Variants in SHC1 observed in about 807,000 individuals in gnomAD.
SHC1 encodes SHC-transforming protein 1.
A neutral mutation model predicts 55.9 loss-of-function variants in SHC1; 30 were observed. The observed-to-expected ratio is 0.54, with a 90% CI of 0.40 to 0.73. SHC1 has a LOEUF of 0.73. SHC1 is among the 30% of genes least tolerant of loss of function. The pLI, the probability that SHC1 is intolerant of heterozygous loss-of-function variation, is 0.00. For synonymous variants in SHC1, 309 were observed against 306.1 expected, an observed-to-expected ratio of 1.01 and a Z score of -0.10; for missense variants, 675 against 777.1, an observed-to-expected ratio of 0.87 and a Z score of 1.56.
At chr1:154,973,921 C>G (rs1656998975), upstream of SHC1, among the ~76,000 whole-genome samples, 1 of 152,008 alleles carries the variant, frequency 6.6e-6, no homozygotes, top group African/African-American at 2.4e-5. Context: ...GGGAGATAGG[C>G]CTTTTGACAG....
intron 6 of SHC1, 74 bp downstream of exon 6, chr1:154,967,906 G>A (rs1054757059): frequency 1.2e-6 from 2 of 1,605,932 alleles, no homozygotes; most frequent in Non-Finnish European, 1.7e-6. Flanking sequence ...ACTTAGAGTG[G>A]GTACAGATGA....
chr1:154,965,767 C>T lies in SHC1; in HGVS notation c.1402G>A (p.Ala468Thr). Residue 468 changes from alanine (A) to threonine (T), a missense_variant, in exon 11 of 12, where the codon GCT becomes ACT. By Grantham distance (58) the Ala-to-Thr change is moderately conservative. Around this residue, in one of 3 missense-constraint regions of SHC1, gnomAD observed 360 missense variants for 371.1 expected, o/e 0.97. Transcript: ENST00000448116. ...TGGGGAGGTGGAGGCACGCGAAGAG[C>T]ATCTTCGAAGGGCTCTGGAAGTATA... ...DLFDMKPFED[A>T]LRVPPPPQSV... 2 of 1,612,928 alleles carry T rather than the reference C, an allele frequency of 1.2e-6. No individual in the cohort carries two copies. The highest frequency in any genetic ancestry group is 2.2e-5 in the South Asian group (2 of 91,028).
rs1255512373 is a variant in SHC1, at chr1:154,962,744, A to G, written c.*1059T>C. ...TGATGTATAAATGTAATAATTGATT[A>G]TCATTTTGTGCTCAAGAATAAGCAA... On this transcript the variant is annotated 3_prime_UTR_variant, in exon 12 of 12. Coordinates refer to ENST00000448116, the MANE Select transcript of SHC1 (RefSeq NM_001130040.2). The G allele has an allele frequency of 6.5e-6, 1 of 152,810 alleles. No homozygotes were observed. Among genetic ancestry groups the G allele is most frequent in the African/African-American group, 2.4e-5 (1 of 41,468 alleles). The allele number at this position is 152,810 out of a possible 1,614,324, so 9.5% of individuals were successfully genotyped here. A position where few individuals can be genotyped will look rare whatever the true frequency, so the allele number is the denominator to read the frequency against.
chr1:154,965,307 G>C, intron 11 of SHC1: 1 of 1,366,860 alleles, frequency 7.3e-7, no homozygotes, highest in Non-Finnish European at 9.7e-7. Flanking sequence ...AAAGCGCTGG[G>C]ATTACAGGTG....
rs949748775 is a variant in SHC1 at position 154,963,132 on chromosome 1, G to A, written c.*671C>T. Reference sequence around the variant, plus strand: ...GCCAGGAGGCACTGAGCAAGGGAGGGGTCCATCTCCCGCCTGGCCGGGAGT... The same window carrying A: ...GCCAGGAGGCACTGAGCAAGGGAGGAGTCCATCTCCCGCCTGGCCGGGAGT... On this transcript the variant is annotated 3_prime_UTR_variant, in exon 12 of 12. Transcript: ENST00000448116. The A allele has an allele frequency of 6.5e-6, 1 of 153,064 alleles. No individual in the cohort carries two copies. Among genetic ancestry groups the A allele is most frequent in the Non-Finnish European group, 1.5e-5 (1 of 68,388 alleles). 9.5% of individuals were successfully genotyped at this position (153,064 alleles called of 1,614,324 possible).
chr1:154,970,297 C>T lies in SHC1; in HGVS notation c.230G>A (p.Arg77His), dbSNP rs140122961. The T allele has an allele frequency of 1.2e-5, 19 of 1,603,822 alleles. No homozygotes were observed. In the African/African-American group the frequency reaches 1.3e-4, roughly 11 times the overall value. Reference sequence around the variant, plus strand: ...TCCTGGCTCCCCCTTAGACCCTGGGCGCCCCCCAGCCGGGTTGGCCAGCCT... The same window carrying T: ...TCCTGGCTCCCCCTTAGACCCTGGGTGCCCCCCAGCCGGGTTGGCCAGCCT... ...NLRLANPAGG[R>H]PGSKGEPGRA... Residue 77 changes from arginine (R) to histidine (H), a missense_variant, in exon 1 of 12, where the codon CGC (arginine) becomes CAC (histidine). Transcript: ENST00000448116. This position sits in a 1 kb window ranked among gnomAD's most constrained non-coding sequence, Gnocchi z 5.5.
At chr1:154,966,581 G>T in intron 7 of SHC1, 64 bp from the exon 8 acceptor site, 2 of 1,114,160 alleles carry the variant, frequency 1.8e-6, no homozygotes, top group Non-Finnish European at 2.6e-6. Flanking sequence ...GGGAAGGACA[G>T]AATAGAACAG....
intron 1 of SHC1, 94 bp downstream of exon 1, chr1:154,969,938 G>T: frequency 7.3e-7 from 1 of 1,367,992 alleles, no homozygotes; most frequent in Non-Finnish European, 1.0e-6. Context: ...GGTTGTTGGG[G>T]AACAGCAGGA....
At chr1:154,973,630 G>A (rs1656963682), upstream of SHC1, 2 of 152,156 alleles carry the variant, frequency 1.3e-5, no homozygotes, top group South Asian at 4.1e-4. Flanking sequence ...GCACGAGAGT[G>A]CTCGGAAAAC....
rs1656453982 is a variant in SHC1, at chr1:154,969,446, G to A, written c.498C>T (p.Tyr166=). The A allele has an allele frequency of 1.9e-6, 3 of 1,609,580 alleles. No homozygotes were observed. The highest frequency in any genetic ancestry group is 2.5e-6 in the Non-Finnish European group (3 of 1,176,802). Reference sequence around the variant, plus strand: ...ACTGGAGGACCTCCACACAACCCATGTACTAAGGGGAGGGAGAAGAGGACA... The same window carrying A: ...ACTGGAGGACCTCCACACAACCCATATACTAAGGGGAGGGAGAAGAGGACA... The part of the protein sequence containing the change: ...MGPGVSYLVR[Y]MGCVEVLQSM... The change falls in exon 2 of 12, where the codon TAC becomes TAT. Residue 166 remains tyrosine, a splice_region_variant and synonymous_variant. Coordinates refer to ENST00000448116, the MANE Select transcript of SHC1 (RefSeq NM_001130040.2).
At position 154,966,210 on chromosome 1, in the gene SHC1, C is replaced by T; in HGVS notation, c.1204G>A (p.Gly402Arg). ...ATCTGTTTGCGGACTTCTGGATCTCCCCCAACAGGCTGTCCTACAGGCTGC... is the reference window on the plus strand; with the variant it reads ...ATCTGTTTGCGGACTTCTGGATCTCTCCCAACAGGCTGTCCTACAGGCTGC... ...ATLPVGQPVG[G>R]DPEVRKQMPP... The change falls in exon 9 of 12, where the codon GGA becomes AGA. Residue 402 changes from glycine to arginine, a missense_variant. Physicochemically the swap from Gly to Arg is moderately radical, Grantham distance 125. Transcript: ENST00000448116. 1 of 1,614,090 alleles carries T rather than the reference C, an allele frequency of 6.2e-7. No homozygotes were observed. Among genetic ancestry groups the T allele is most frequent in the Non-Finnish European group, 8.5e-7 (1 of 1,180,004 alleles).
chr1:154,965,269 T>C, intron 11 of SHC1: 2 of 915,202 alleles, frequency 2.2e-6, no homozygotes, highest in Non-Finnish European at 3.0e-6. Flanking sequence ...ACTCCTGACC[T>C]CAGGTGATTC....
At position 154,962,616 on chromosome 1, in the gene SHC1, C is replaced by T. The variant is rs1655459653; in HGVS notation, c.*1187G>A. 1 of 152,448 alleles carries T rather than the reference C, an allele frequency of 6.6e-6. No homozygotes were observed. Among genetic ancestry groups the T allele is most frequent in the South Asian group, 2.1e-4 (1 of 4,832 alleles). 9.4% of individuals were successfully genotyped at this position (152,448 alleles called of 1,614,324 possible). On this transcript the variant is annotated 3_prime_UTR_variant, in exon 12 of 12. Transcript: ENST00000448116. Reference sequence around the variant, plus strand: ...AGTCCTAGATGGAAATAAATTTCATCTGCCTCAGGTCTCTGGTATAAAAGG... The same window carrying T: ...AGTCCTAGATGGAAATAAATTTCATTTGCCTCAGGTCTCTGGTATAAAAGG...
upstream of SHC1, among the ~76,000 whole-genome samples, chr1:154,974,090 C>T (rs1033557525): frequency 6.6e-6 from 1 of 151,550 alleles, no homozygotes; most frequent in African/African-American, 2.4e-5. Context: ...AAAATCAAGT[C>T]GGGGTTCGGG....
upstream of SHC1, chr1:154,974,207 GAA>G (rs1267310515): frequency 6.3e-6 from 1 of 158,874 alleles, no homozygotes; most frequent in Non-Finnish European, 1.4e-5. Flanking sequence ...GTTCCGGGGT[GAA>G]AGAGTGAGTC....
At chr1:154,964,253 A>T (rs1384710637) in intron 11 of SHC1, 4 of 486,284 alleles carry the variant, frequency 8.2e-6, no homozygotes, top group Non-Finnish European at 1.7e-5. Context: ...AAAGATGTGG[A>T]GGCTGGGCAT....
At chr1:154,967,595 C>A in intron 7 of SHC1, 76 bp downstream of exon 7, 1 of 1,515,852 alleles carries the variant, frequency 6.6e-7, no homozygotes, top group South Asian at 1.2e-5. Context: ...AACCTCTCAA[C>A]TCAAGTGTAG....
At chr1:154,968,724 C>T in intron 3 of SHC1, 47 bp downstream of exon 3, 1 of 1,610,270 alleles carries the variant, frequency 6.2e-7, no homozygotes, top group Non-Finnish European at 8.5e-7. Context: ...CCCCACTGCC[C>T]CTCCACATTT....
chr1:154,964,151 T>C (rs775307477), intron 11 of SHC1: 1 of 696,020 alleles, frequency 1.4e-6, no homozygotes. Context: ...AAAGGCGACA[T>C]CAGCCCTGAA....
Sources: allele counts gnomAD v4.1 joint callset (sites outside exome capture counted in the v4.1 genomes callset), GRCh38; gene constraint gnomAD v4.1.1; regional missense constraint gnomAD v4.1.1; non-coding constraint Gnocchi (gnomAD v3.1); transcripts MANE v1.5; gene names NCBI Gene and HGNC (gene_info 2026-07-23, HGNC 2026-07-21).